The following STK32B variants were observed in gnomAD, a reference collection of about 807,000 sequenced individuals.
STK32B encodes serine/threonine kinase 32B, also known as serine/threonine-protein kinase 32B.
A neutral mutation model predicts 52.6 loss-of-function variants in STK32B; 43 were observed. That is an observed-to-expected ratio of 0.82 (90% confidence interval 0.64 to 1.05). The LOEUF is 1.05. Ranked by LOEUF, STK32B falls within the 50% of genes least tolerant of loss-of-function variation. The pLI, the probability that STK32B is intolerant of heterozygous loss-of-function variation, is 0.00. For missense variants in STK32B, 621 were observed against 534.6 expected, an observed-to-expected ratio of 1.16 and a Z score of -1.59; for synonymous variants, 238 against 204.3, an observed-to-expected ratio of 1.17 and a Z score of -1.41.
At chr4:5,438,639 AT>A (rs1714368226) in intron 6 of STK32B, among the ~76,000 whole-genome samples, 1 of 152,146 alleles carries the variant, frequency 6.6e-6, no homozygotes, top group African/African-American at 2.4e-5. Context: ...TTTAGGGTAC[AT>A]GTGCACATTG....
chr4:5,474,214 C>T (rs1718058024), intron 11 of STK32B, among the ~76,000 whole-genome samples: 1 of 152,160 alleles, frequency 6.6e-6, no homozygotes, highest in East Asian at 1.9e-4. Flanking sequence ...TGATAGGGAC[C>T]CTCCAGCATG....
At position 5,396,745 on chromosome 4, in the gene STK32B, A is replaced by G. The variant is rs1407290080; in HGVS notation, c.435-1462A>G. Among the ~76,000 whole-genome samples, 1 of 152,198 alleles carries G rather than the reference A, an allele frequency of 6.6e-6. No individual in the cohort carries two copies. Among genetic ancestry groups the G allele is most frequent in the African/African-American group, 2.4e-5 (1 of 41,452 alleles). Reference sequence around the variant, plus strand: ...TTGCTGCTGTGTTTTCATTCTTGACATGTATTTTATTATCTCTTTTCTCAT... The same window carrying G: ...TTGCTGCTGTGTTTTCATTCTTGACGTGTATTTTATTATCTCTTTTCTCAT... On this transcript the variant is annotated intron_variant, in intron 4 of 11. Transcript: ENST00000282908. This position sits in a 1 kb window ranked among gnomAD's most constrained non-coding sequence, Gnocchi z 4.7.
At chr4:5,020,677 A>G in the STK32B span, among the ~76,000 whole-genome samples, 1 of 152,186 alleles carries the variant, frequency 6.6e-6, no homozygotes. Flanking sequence ...TCTTGCAGGC[A>G]GAGATGAGTT....
chr4:5,260,680 C>G (rs1354849078), intron 3 of STK32B, among the ~76,000 whole-genome samples: 1 of 152,158 alleles, frequency 6.6e-6, no homozygotes, highest in Non-Finnish European at 1.5e-5. Context: ...TGGCACATGT[C>G]AGACGGGAGA....
chr4:5,104,157 T>A (rs1223160821), intron 1 of STK32B, among the ~76,000 whole-genome samples: 1 of 151,884 alleles, frequency 6.6e-6, no homozygotes, highest in African/African-American at 2.4e-5. Context: ...CCACATGTCA[T>A]GGGAGGGGCC....
chr4:5,248,046 G>A (rs780990106), intron 3 of STK32B, among the ~76,000 whole-genome samples: 17 of 152,174 alleles, frequency 1.1e-4, no homozygotes, highest in Admixed American at 3.3e-4. Flanking sequence ...ATTGGCAACC[G>A]CAGCTACAGG....
intron 3 of STK32B, among the ~76,000 whole-genome samples, chr4:5,245,872 C>A (rs554046376): frequency 2.0e-4 from 31 of 152,166 alleles, no homozygotes; most frequent in Non-Finnish European, 3.7e-4. Flanking sequence ...GTTGAAAATT[C>A]TTTTCTTTAA....
chr4:5,163,580 G>C (rs1052459680), intron 2 of STK32B, among the ~76,000 whole-genome samples: 6 of 125,372 alleles, frequency 4.8e-5, no homozygotes, highest in African/African-American at 1.8e-4. Flanking sequence ...GTGTGTGTGT[G>C]TAAGAGAGAG....
intron 1 of STK32B, among the ~76,000 whole-genome samples, chr4:5,053,601 C>A (rs1390279686): frequency 6.6e-6 from 1 of 152,164 alleles, no homozygotes; most frequent in Non-Finnish European, 1.5e-5. Flanking sequence ...TCTGGTGTAG[C>A]CAACCTTTTG....
intron 11 of STK32B, among the ~76,000 whole-genome samples, chr4:5,480,712 C>G (rs886372230): frequency 6.6e-5 from 10 of 152,042 alleles, no homozygotes; most frequent in Admixed American, 1.3e-4. Flanking sequence ...AGGTATATCT[C>G]CTAATGCTAT....
At chr4:5,448,156 C>T (rs1331753100) in intron 7 of STK32B, among the ~76,000 whole-genome samples, 1 of 152,198 alleles carries the variant, frequency 6.6e-6, no homozygotes, top group Non-Finnish European at 1.5e-5. Context: ...ATTTTCTGCT[C>T]TTGATCTCAG....
At position 5,466,904 on chromosome 4, in the gene STK32B, ACTGTTTAGC is replaced by A; in HGVS notation, c.1041+71_1041+79del. 2.6e-6 allele frequency: 4 copies of A among 1,531,584 alleles called. No homozygotes were observed. The Admixed American group carries it at 6.5e-5, about 25-fold the overall frequency. The allele number at this position is 1,531,584 out of a possible 1,614,324, so 94.9% of individuals were successfully genotyped here. On this transcript the variant is annotated intron_variant, in intron 10 of 11. Transcript: ENST00000282908. ...CATAGGGAAATGACTGAGCCAGGCC[ACTGTTTAGC>A]AAAAAGGGGACATTTCAATCCTCCC...
chr4:5,110,282 A>ACCCCC (rs1342871812), intron 1 of STK32B, among the ~76,000 whole-genome samples: 1 of 148,612 alleles, frequency 6.7e-6, no homozygotes, highest in African/African-American at 2.6e-5. Flanking sequence ...CAAAAAAAAA[A>ACCCCC]AAAAAAAAGC....
intron 3 of STK32B, among the ~76,000 whole-genome samples, chr4:5,239,341 G>C (rs1183804937): frequency 6.6e-6 from 1 of 152,164 alleles, no homozygotes; most frequent in Non-Finnish European, 1.5e-5. Flanking sequence ...ATCTCTAGGG[G>C]AAGCCAAGCA....
intron 4 of STK32B, among the ~76,000 whole-genome samples, chr4:5,336,224 T>A (rs1732684808): frequency 6.6e-6 from 1 of 150,728 alleles, no homozygotes; most frequent in Non-Finnish European, 1.5e-5. Context: ...CTTCATCCTC[T>A]ACACAGGGAA....
At chr4:5,312,198 A>G (rs1361396944) in intron 3 of STK32B, among the ~76,000 whole-genome samples, 2 of 150,496 alleles carry the variant, frequency 1.3e-5, no homozygotes, top group African/African-American at 4.9e-5. Flanking sequence ...CCATCCTAAG[A>G]TCACAAAGAT....
chr4:5,422,695 C>A lies in STK32B; in HGVS notation c.562+5761C>A, dbSNP rs195099. Among the ~76,000 whole-genome samples the A allele has an allele frequency of 6.9e-3, 1,054 of 151,938 alleles. 8 individuals carry two copies. The highest frequency in any genetic ancestry group is 0.024 in the African/African-American group (979 of 41,476). Reference sequence around the variant, plus strand: ...TTAGTTAGGCACTGGGGCTGCAGAGCGGGGTACTGCTCTCCCAGTCCTCAC... The same window carrying A: ...TTAGTTAGGCACTGGGGCTGCAGAGAGGGGTACTGCTCTCCCAGTCCTCAC... On this transcript the variant is annotated intron_variant, in intron 6 of 11. Transcript: ENST00000282908.
At chr4:5,416,760 G>A in intron 5 of STK32B, 85 bp from the exon 6 acceptor site, 2 of 1,093,868 alleles carry the variant, frequency 1.8e-6, no homozygotes, top group Non-Finnish European at 2.7e-6. Flanking sequence ...TTTCTTCACG[G>A]TATCTCACCT....
intron 6 of STK32B, chr4:5,426,755 T>C (rs1332122198): frequency 6.6e-6 from 1 of 150,516 alleles, no homozygotes; most frequent in Non-Finnish European, 1.5e-5. Context: ...TTATTTCATT[T>C]TGAGAGTTTT....
Sources: allele counts gnomAD v4.1 joint callset (sites outside exome capture counted in the v4.1 genomes callset), GRCh38; gene constraint gnomAD v4.1.1; non-coding constraint Gnocchi (gnomAD v3.1); transcripts MANE v1.5; gene names NCBI Gene and HGNC (gene_info 2026-07-23, HGNC 2026-07-21).